CYP26A1: variants seen among roughly 807,000 people sequenced by gnomAD.
CYP26A1 encodes cytochrome P450 26A1.
In CYP26A1, 46 loss-of-function variants were observed where a neutral mutation model predicts 47.4. That is an observed-to-expected ratio of 0.97 (90% CI 0.77 to 1.24). CYP26A1 has a LOEUF of 1.24. Ranked by LOEUF, CYP26A1 falls within the 50% of genes most tolerant of loss-of-function variation. The pLI, the probability that CYP26A1 is intolerant of heterozygous loss-of-function variation, is 0.00. For missense variants in CYP26A1, 680 were observed against 644.4 expected (o/e 1.06, Z -0.60); for synonymous variants, 277 against 263.7 (o/e 1.05, Z -0.49).
In CYP26A1 at chr10:93,077,343, T is replaced by A. The variant is rs1259386324; in HGVS notation, c.*39T>A. On this transcript the variant is annotated 3_prime_UTR_variant, in exon 7 of 7. Coordinates refer to ENST00000224356, the MANE Select transcript of CYP26A1 (RefSeq NM_000783.4). The stretch of plus-strand genomic sequence containing the variant: ...TCAAACCTGAGACTTATTGGAAGTG[T>A]ACATATGAGTTTTTAAGGAGTGTTG... 1 of 1,192,492 alleles carries A rather than the reference T, an allele frequency of 8.4e-7. No homozygotes were observed. Among genetic ancestry groups the A allele is most frequent in the Non-Finnish European group, 1.2e-6 (1 of 866,594 alleles). The allele number at this position is 1,192,492 out of a possible 1,614,324, so 73.9% of individuals were successfully genotyped here. A position where few individuals can be genotyped will look rare whatever the true frequency, so the allele number is the denominator to read the frequency against.
chr10:93,074,817 C>G lies in CYP26A1; in HGVS notation c.453C>G (p.Cys151Trp), dbSNP rs1269269924. ...CCTTCAGCCGCGAGGCACTCGAATG[C>G]TACGTGCCGGTGATCACCGAGGAAG... ...MRAFSREALECYVPVITEEVG... is the reference protein window; with the variant it reads ...MRAFSREALEWYVPVITEEVG... The change falls in exon 3 of 7, where the codon TGC becomes TGG. Residue 151 changes from cysteine (C) to tryptophan (W), a missense_variant. Transcript: ENST00000224356. The surrounding 1 kb of genome is among the most constrained non-coding windows in gnomAD (Gnocchi z 5.3). The G allele has an allele frequency of 1.9e-6, 3 of 1,609,602 alleles. No homozygotes were observed. Among genetic ancestry groups the G allele is most frequent in the Non-Finnish European group, 2.5e-6 (3 of 1,179,784 alleles).
chr10:93,074,826 G>C lies in CYP26A1; in HGVS notation c.462G>C (p.Pro154=), dbSNP rs752818686. 6.2e-7 allele frequency: 1 copy of C among 1,610,644 alleles called. No individual in the cohort carries two copies. Among genetic ancestry groups the C allele is most frequent in the Non-Finnish European group, 8.5e-7 (1 of 1,179,856 alleles). Reference sequence around the variant, plus strand: ...GCGAGGCACTCGAATGCTACGTGCCGGTGATCACCGAGGAAGTGGGCAGCA... The same window carrying C: ...GCGAGGCACTCGAATGCTACGTGCCCGTGATCACCGAGGAAGTGGGCAGCA... ...FSREALECYV[P]VITEEVGSSL... is the part of the protein sequence containing the mutation. The change falls in exon 3 of 7, where the codon CCG becomes CCC. Residue 154 remains proline, a synonymous_variant. Transcript: ENST00000224356. The surrounding 1 kb of genome is among the most constrained non-coding windows in gnomAD (Gnocchi z 5.3).
rs747753784 is a variant in CYP26A1 at position 93,074,952 on chromosome 10, C to T, written c.588C>T (p.Cys196=). The T allele has an allele frequency of 3.1e-6, 5 of 1,613,310 alleles. No individual in the cohort carries two copies. Among genetic ancestry groups the T allele is most frequent in the Admixed American group, 1.7e-5 (1 of 60,036 alleles). Reference sequence around the variant, plus strand: ...TCGCCATGCGCATCCTACTGGGCTGCGAACCCCAACTGGCGGGCGACGGGG... The same window carrying T: ...TCGCCATGCGCATCCTACTGGGCTGTGAACCCCAACTGGCGGGCGACGGGG... ...FRIAMRILLG[C]EPQLAGDGDS... The change falls in exon 3 of 7, where the codon TGC becomes TGT. Residue 196 remains cysteine (C), a synonymous_variant. Coordinates refer to ENST00000224356, the MANE Select transcript of CYP26A1 (RefSeq NM_000783.4). This position sits in a 1 kb window ranked among gnomAD's most constrained non-coding sequence, Gnocchi z 5.3.
Position 93,074,650 on chromosome 10 carries a change from C to A in CYP26A1, c.414+118C>A. 2 of 1,071,130 alleles carry A rather than the reference C, an allele frequency of 1.9e-6. No homozygotes were observed. The highest frequency in any genetic ancestry group is 2.8e-6 in the Non-Finnish European group (2 of 712,728). The allele number at this position is 1,071,130 out of a possible 1,614,324, so 66.4% of individuals were successfully genotyped here. ...GAGGTGGGCTAGGACCCTCTGCCAG[C>A]TCCAGGTTAGCTTTCCCAGCTCGGA... On this transcript the variant is annotated intron_variant, in intron 2 of 6. Coordinates refer to ENST00000224356, the MANE Select transcript of CYP26A1 (RefSeq NM_000783.4). This position sits in a 1 kb window ranked among gnomAD's most constrained non-coding sequence, Gnocchi z 5.3.
chr10:93,076,192 T>A, intron 5 of CYP26A1: 1 of 545,792 alleles, frequency 1.8e-6, no homozygotes, highest in East Asian at 3.0e-5. Flanking sequence ...CTCCTCCACC[T>A]TTTGCTGAAC....
intron 4 of CYP26A1, chr10:93,075,517 T>A (rs908851403): frequency 3.3e-6 from 2 of 607,306 alleles, no homozygotes; most frequent in Non-Finnish European, 5.8e-6. Context: ...GAGCATCCCC[T>A]AGCCTTTCCA....
At position 93,074,220 on chromosome 10, in the gene CYP26A1, T is replaced by C. The variant is rs572000694; in HGVS notation, c.190-88T>C. The stretch of plus-strand genomic sequence containing the variant: ...GGGTAGGCGCCCCCGGGAGGCATGC[T>C]ATTGCGGCTAGGAGCAGGGCTGGCG... On this transcript the variant is annotated intron_variant, in intron 1 of 6. Coordinates refer to ENST00000224356, the MANE Select transcript of CYP26A1 (RefSeq NM_000783.4). This position sits in a 1 kb window ranked among gnomAD's most constrained non-coding sequence, Gnocchi z 5.3. 1.3e-6 allele frequency: 2 copies of C among 1,528,032 alleles called. No individual in the cohort carries two copies. The highest frequency in any genetic ancestry group is 1.4e-5 in the African/African-American group (1 of 72,554). The allele number at this position is 1,528,032 out of a possible 1,614,324, so 94.7% of individuals were successfully genotyped here.
intron 4 of CYP26A1, 35 bp from the exon 5 acceptor site, chr10:93,075,791 G>A: frequency 6.3e-7 from 1 of 1,577,606 alleles, no homozygotes; most frequent in Non-Finnish European, 8.7e-7. Flanking sequence ...ACCGCAGGCA[G>A]ACTTGTGAGA....
chr10:93,076,285 G>A (rs887414691), intron 5 of CYP26A1: 54 of 465,076 alleles, frequency 1.2e-4, no homozygotes, highest in African/African-American at 1.0e-3. Flanking sequence ...ATTAGTGTGG[G>A]TGGTGGTGGT....
rs1846987929 is a variant in CYP26A1, at chr10:93,077,125, C to T, written c.1315C>T (p.Leu439Phe). The change falls in exon 7 of 7, where the codon CTT becomes TTT. Residue 439 changes from leucine (L) to phenylalanine (F), a missense_variant. Leu to Phe is a conservative substitution (Grantham distance 22). Transcript: ENST00000224356. Reference sequence around the variant, plus strand: ...CAGCTTCATTCCATTTGGAGGAGGCCTTAGGAGCTGTGTAGGCAAAGAATT... The same window carrying T: ...CAGCTTCATTCCATTTGGAGGAGGCTTTAGGAGCTGTGTAGGCAAAGAATT... ...RFSFIPFGGGLRSCVGKEFAK... is the reference protein window; with the variant it reads ...RFSFIPFGGGFRSCVGKEFAK... 1 of 1,614,078 alleles carries T rather than the reference C, an allele frequency of 6.2e-7. No homozygotes were observed. Among genetic ancestry groups the T allele is most frequent in the Admixed American group, 1.7e-5 (1 of 60,008 alleles).
At chr10:93,076,767 G>A (rs1846983318) in intron 6 of CYP26A1, 71 bp downstream of exon 6, 1 of 1,196,770 alleles carries the variant, frequency 8.4e-7, no homozygotes. Flanking sequence ...CTATGCTGTG[G>A]CTGCAATTCT....
rs1846984167 is a variant in CYP26A1 at position 93,076,840 on chromosome 10, T to A, written c.1153-123T>A. On this transcript the variant is annotated intron_variant, in intron 6 of 6. Transcript: ENST00000224356. ...TGTTTCAGCAACCTGGATCCACCTC[T>A]CTCTTTCTACCTCTCCCTTGCTTTT... 7 of 906,040 alleles carry A rather than the reference T, an allele frequency of 7.7e-6. No individual in the cohort carries two copies. The East Asian group carries it at 1.8e-4, about 23-fold the overall frequency. 56.1% of individuals were successfully genotyped at this position (906,040 alleles called of 1,614,324 possible). A position where few individuals can be genotyped will look rare whatever the true frequency, so the allele number is the denominator to read the frequency against.
chr10:93,074,467 C>A lies in CYP26A1; in HGVS notation c.349C>A (p.Arg117Ser). 5 of 1,611,742 alleles carry A rather than the reference C, an allele frequency of 3.1e-6. No individual in the cohort carries two copies. Among genetic ancestry groups the A allele is most frequent in the Non-Finnish European group, 4.2e-6 (5 of 1,178,642 alleles). Residue 117 changes from arginine (R) to serine (S), a missense_variant, in exon 2 of 7, where the codon CGC becomes AGC. Arg to Ser is a moderately radical substitution (Grantham distance 110). Transcript: ENST00000224356. The surrounding 1 kb of genome is among the most constrained non-coding windows in gnomAD (Gnocchi z 5.3). ...LVSVHWPASV[R>S]TILGSGCLSN... is the part of the protein sequence containing the mutation. ...GTCGGTCCACTGGCCAGCGTCGGTGCGCACCATTCTGGGATCTGGCTGCCT... is the reference window on the plus strand; with the variant it reads ...GTCGGTCCACTGGCCAGCGTCGGTGAGCACCATTCTGGGATCTGGCTGCCT...
Position 93,074,022 on chromosome 10 carries a change from C to A in CYP26A1, c.88C>A (p.Leu30Met). ...CCTGGCTGCGATCAAGCTCTGGGAC[C>A]TGTACTGCGTGAGCGGCCGCGACCG... ...LFLAAIKLWDLYCVSGRDRSC... is the reference protein window; with the variant it reads ...LFLAAIKLWDMYCVSGRDRSC... The change falls in exon 1 of 7, where the codon CTG becomes ATG. Residue 30 changes from leucine to methionine, a missense_variant. Physicochemically the swap from Leu to Met is conservative, Grantham distance 15. Transcript: ENST00000224356. This position sits in a 1 kb window ranked among gnomAD's most constrained non-coding sequence, Gnocchi z 5.3. 6.2e-7 allele frequency: 1 copy of A among 1,604,278 alleles called. No homozygotes were observed. The highest frequency in any genetic ancestry group is 8.5e-7 in the Non-Finnish European group (1 of 1,172,114).
At chr10:93,076,744 T>A (rs368582433) in intron 6 of CYP26A1, 48 bp downstream of exon 6, 23 of 1,340,670 alleles carry the variant, frequency 1.7e-5, no homozygotes, top group Non-Finnish European at 2.3e-5. Flanking sequence ...GTTTAAAAAC[T>A]CCTCTTTCTT....
In CYP26A1 at chr10:93,074,371, G is replaced by T; in HGVS notation, c.253G>T (p.Gly85Trp). 1 of 1,612,410 alleles carries T rather than the reference G, an allele frequency of 6.2e-7. No individual in the cohort carries two copies. The highest frequency in any genetic ancestry group is 8.5e-7 in the Non-Finnish European group (1 of 1,179,212). Residue 85 changes from glycine to tryptophan, a missense_variant, in exon 2 of 7, where the codon GGG becomes TGG. Transcript: ENST00000224356. The surrounding 1 kb of genome is among the most constrained non-coding windows in gnomAD (Gnocchi z 5.3). The stretch of plus-strand genomic sequence containing the variant: ...CTTCATCTACAAGACGCATCTGTTC[G>T]GGCGGCCCACCGTACGGGTGATGGG... ...YGFIYKTHLFGRPTVRVMGAD... is the reference protein window; with the variant it reads ...YGFIYKTHLFWRPTVRVMGAD...
rs984252420 is a variant in CYP26A1, at chr10:93,077,062, C to T, written c.1252C>T (p.Arg418Ter). The change falls in exon 7 of 7, where the codon CGA becomes TGA. Residue 418 changes from arginine (R) to a stop codon, truncating the protein, a stop_gained. Transcript: ENST00000224356. LOFTEE classifies it high-confidence loss of function. ...CAACAAGGAAGAATTTAATCCTGAC[C>T]GATTCATGCTGCCTCACCCAGAGGA... is the stretch of plus-strand genomic sequence containing the variant. ...FTNKEEFNPD[R>*]FMLPHPEDAS... is the part of the protein sequence containing the mutation. 9 of 1,613,394 alleles carry T rather than the reference C, an allele frequency of 5.6e-6. No individual in the cohort carries two copies. Among genetic ancestry groups the T allele is most frequent in the East Asian group, 2.2e-5 (1 of 44,882 alleles).
rs776687509 is a variant in CYP26A1 at position 93,075,063 on chromosome 10, G to A, written c.699G>A (p.Leu233=). 17 of 1,612,554 alleles carry A rather than the reference G, an allele frequency of 1.1e-5. No homozygotes were observed. The Admixed American group carries it at 1.8e-4, about 17-fold the overall frequency. The change falls in exon 3 of 7, where the codon CTG becomes CTA. Residue 233 remains leucine (L), a synonymous_variant. Transcript: ENST00000224356. ...SLPIDVPFSG[L]YRGMKARNLI... ...CCATCGACGTGCCCTTCAGCGGGCT[G>A]TACCGGGTAAGGGCGGCAAACGGGC...
chr10:93,076,340 C>T, intron 5 of CYP26A1: 2 of 533,728 alleles, frequency 3.7e-6, no homozygotes, highest in South Asian at 2.5e-5. Flanking sequence ...GTCCTTCTAA[C>T]TGGTGAGCAG....
Sources: gnomAD v4.1 joint callset for allele counts on GRCh38, gnomAD v4.1.1 for gene constraint, Gnocchi (gnomAD v3.1) non-coding constraint, MANE v1.5 for transcripts, NCBI Gene and HGNC (gene_info 2026-07-23, HGNC 2026-07-21) for gene names.